LINGO2: variants seen among roughly 807,000 people sequenced by gnomAD.
LINGO2 encodes leucine rich repeat and Ig domain containing 2.
Under a neutral mutation model 30.6 loss-of-function variants are expected in LINGO2, and 14 were observed. The observed-to-expected ratio is 0.46, with a 90% confidence interval of 0.30 to 0.72. LINGO2 has a LOEUF of 0.72. Ranked by LOEUF, LINGO2 falls within the 30% of genes least tolerant of loss-of-function variation. The pLI is 0.07. For synonymous variants in LINGO2, 317 were observed against 288.5 expected, an observed-to-expected ratio of 1.10 and a Z score of -1.00; for missense variants, 729 against 751.7, an observed-to-expected ratio of 0.97 and a Z score of 0.35.
chr9:28,359,858 C>T (rs1164887798), intron 3 of LINGO2, among the ~76,000 whole-genome samples: 1 of 152,138 alleles, frequency 6.6e-6, no homozygotes, highest in Non-Finnish European at 1.5e-5. Flanking sequence ...ATGATGGTGA[C>T]CTTCCAAAAT....
At chr9:28,186,950 G>A (rs1298188510) in intron 4 of LINGO2, among the ~76,000 whole-genome samples, 8 of 152,174 alleles carry the variant, frequency 5.3e-5, no homozygotes, top group African/African-American at 1.9e-4. Flanking sequence ...AACATCATCA[G>A]GGTTTTGGTG....
chr9:28,597,923 C>A (rs1281711275), intron 1 of LINGO2, among the ~76,000 whole-genome samples: 1 of 151,906 alleles, frequency 6.6e-6, no homozygotes, highest in Admixed American at 6.6e-5. Context: ...TGGCATCATG[C>A]CCAGCTAATT....
chr9:28,377,511 G>A (rs1356366475), intron 2 of LINGO2, among the ~76,000 whole-genome samples: 1 of 152,140 alleles, frequency 6.6e-6, no homozygotes, highest in African/African-American at 2.4e-5. Context: ...AGTTCTGGGG[G>A]AGTAGAAAAG....
chr9:28,570,265 T>A (rs1823617396), intron 1 of LINGO2, among the ~76,000 whole-genome samples: 1 of 151,960 alleles, frequency 6.6e-6, no homozygotes, highest in Admixed American at 6.6e-5. Context: ...TTTAGATAAT[T>A]TCTACCACGT....
chr9:28,984,989 T>G, the LINGO2 span, among the ~76,000 whole-genome samples: 3 of 152,232 alleles, frequency 2.0e-5, no homozygotes, highest in South Asian at 6.2e-4. Flanking sequence ...CCTGTCTAAC[T>G]AAGCTTTTGT....
the LINGO2 span, among the ~76,000 whole-genome samples, chr9:28,744,642 T>TTC: frequency 2.0e-5 from 2 of 97,952 alleles, no homozygotes; most frequent in East Asian, 2.4e-4. Context: ...GTGTGTGTAT[T>TTC]TTTTTTTTTT....
chr9:28,905,290 A>C, the LINGO2 span, among the ~76,000 whole-genome samples: 7 of 151,704 alleles, frequency 4.6e-5, no homozygotes, highest in African/African-American at 1.2e-4. Context: ...AAAAAAAAAA[A>C]AAAACTGAAT....
intron 2 of LINGO2, among the ~76,000 whole-genome samples, chr9:28,446,490 C>T (rs1478136490): frequency 6.6e-6 from 1 of 152,194 alleles, no homozygotes; most frequent in East Asian, 1.9e-4. Context: ...AATTAATATC[C>T]ACCATGCTGA....
intron 4 of LINGO2, among the ~76,000 whole-genome samples, chr9:28,055,321 G>A (rs994870414): frequency 4.6e-5 from 7 of 152,098 alleles, no homozygotes; most frequent in African/African-American, 1.7e-4. Context: ...TTTCTTGATA[G>A]AACAGGTACA....
rs1044959500 is a variant in LINGO2, at chr9:28,036,610, C to T, written c.-86-24205G>A. On this transcript the variant is annotated intron_variant, in intron 4 of 5. Transcript: ENST00000379992. ...GAAAAGTGTTGCTTTGGGAAATATG[C>T]GAAGAATGACAAAGGGACAAGACTT... is the stretch of plus-strand genomic sequence containing the variant. Among the ~76,000 whole-genome samples, 12 of 152,224 alleles carry T rather than the reference C, an allele frequency of 7.9e-5. No homozygotes were observed. In the South Asian group the frequency reaches 1.0e-3, roughly 13 times the overall value.
chr9:28,086,016 A>G (rs1825903268), intron 4 of LINGO2, among the ~76,000 whole-genome samples: 2 of 152,054 alleles, frequency 1.3e-5, no homozygotes, highest in African/African-American at 4.8e-5. Flanking sequence ...AGAGGTGTGA[A>G]CAGCTGTATA....
At chr9:28,695,749 T>TA in the LINGO2 span, among the ~76,000 whole-genome samples, 4,805 of 142,420 alleles carry the variant, frequency 0.034, 132 homozygotes, top group East Asian at 0.079. Flanking sequence ...GCATTTCTGT[T>TA]AAAAAAAAAA....
the LINGO2 span, among the ~76,000 whole-genome samples, chr9:28,702,034 A>G: frequency 6.6e-6 from 1 of 151,808 alleles, no homozygotes; most frequent in Non-Finnish European, 1.5e-5. Context: ...ATACTTTCAG[A>G]TTTTCTACAT....
At chr9:29,113,789 C>A in the LINGO2 span, among the ~76,000 whole-genome samples, 1 of 152,112 alleles carries the variant, frequency 6.6e-6, no homozygotes, top group Non-Finnish European at 1.5e-5. Context: ...AGCAATAGTT[C>A]CCAAGCAGTG....
At chr9:28,179,009 G>A (rs1828824234) in intron 4 of LINGO2, among the ~76,000 whole-genome samples, 1 of 152,010 alleles carries the variant, frequency 6.6e-6, no homozygotes, top group South Asian at 2.1e-4. Flanking sequence ...AGACTCAAAG[G>A]ATAATATAGT....
At chr9:28,448,893 T>A (rs2135059006) in intron 2 of LINGO2, among the ~76,000 whole-genome samples, 1 of 152,002 alleles carries the variant, frequency 6.6e-6, no homozygotes, top group East Asian at 1.9e-4. Context: ...GTAGGACAAG[T>A]CAGGGATATA....
At chr9:28,032,364 T>G (rs146440398) in intron 4 of LINGO2, among the ~76,000 whole-genome samples, 1 of 152,300 alleles carries the variant, frequency 6.6e-6, no homozygotes, top group East Asian at 1.9e-4. Flanking sequence ...GCTATAGGAA[T>G]GCTGATCACA....
At chr9:28,432,620 T>G (rs1823723399) in intron 2 of LINGO2, among the ~76,000 whole-genome samples, 1 of 152,092 alleles carries the variant, frequency 6.6e-6, no homozygotes, top group Non-Finnish European at 1.5e-5. Context: ...GATTGCAGCT[T>G]CAGGGCTAAT....
the LINGO2 span, among the ~76,000 whole-genome samples, chr9:29,042,257 A>G: frequency 6.6e-6 from 1 of 151,878 alleles, no homozygotes; most frequent in African/African-American, 2.4e-5. Context: ...AATGCACCCA[A>G]TCTCATCTAA....
Sources: gnomAD v4.1 joint callset for allele counts (sites outside exome capture counted in the v4.1 genomes callset) on GRCh38, gnomAD v4.1.1 for gene constraint, MANE v1.5 for transcripts, NCBI Gene and HGNC (gene_info 2026-07-23, HGNC 2026-07-21) for gene names.